The following ADIPOR2 variants were observed in gnomAD, a reference collection of about 807,000 sequenced individuals.
The protein encoded by ADIPOR2 is adiponectin receptor protein 2.
In ADIPOR2, 18 loss-of-function variants were observed where a neutral mutation model predicts 40.9. The ratio of observed to expected loss-of-function variants is 0.44; its 90% CI spans 0.30 to 0.65. ADIPOR2 has a LOEUF of 0.65. Among genes scored for constraint, ADIPOR2 ranks in the 30% least tolerant of loss-of-function variants. The probability of loss-of-function intolerance (pLI) is 0.09; values close to 1 mark genes in which losing one functional copy is unlikely to be tolerated. For missense variants in ADIPOR2, 283 were observed against 479.2 expected (o/e 0.59, Z 3.82); for synonymous variants, 165 against 166.4 (o/e 0.99, Z 0.06).
At chr12:1,716,795 T>C (rs1468053201) in intron 1 of ADIPOR2, among the ~76,000 whole-genome samples, 1 of 152,234 alleles carries the variant, frequency 6.6e-6, no homozygotes, top group Non-Finnish European at 1.5e-5. Flanking sequence ...CATCCAGCCC[T>C]TTTCATGTTA....
intron 1 of ADIPOR2, among the ~76,000 whole-genome samples, chr12:1,691,628 G>C (rs1449373300): frequency 6.6e-6 from 1 of 152,170 alleles, no homozygotes; most frequent in Admixed American, 6.5e-5. Context: ...GCTTGGGATG[G>C]GCTCTCTCAG....
intron 1 of ADIPOR2, among the ~76,000 whole-genome samples, chr12:1,748,396 C>T (rs932774254): frequency 1.3e-5 from 2 of 151,990 alleles, no homozygotes; most frequent in African/African-American, 4.8e-5. Flanking sequence ...CTACAGGTGC[C>T]CGCCACCACG....
chr12:1,692,501 G>A (rs776587497), intron 1 of ADIPOR2, among the ~76,000 whole-genome samples: 1 of 152,174 alleles, frequency 6.6e-6, no homozygotes, highest in Admixed American at 6.5e-5. Context: ...AAATGTGAAA[G>A]GCATATTTCT....
intron 1 of ADIPOR2, among the ~76,000 whole-genome samples, chr12:1,691,655 A>G (rs546497082): frequency 5.3e-5 from 8 of 152,252 alleles, no homozygotes; most frequent in Non-Finnish European, 1.2e-4. Flanking sequence ...TTTCACAGTG[A>G]CTGGGGTGGG....
intron 2 of ADIPOR2, chr12:1,757,307 G>C: frequency 1.5e-6 from 1 of 663,072 alleles, no homozygotes; most frequent in Admixed American, 2.3e-5. Flanking sequence ...CTTTTCCTCA[G>C]GGAAGAGAAG....
intron 2 of ADIPOR2, among the ~76,000 whole-genome samples, chr12:1,766,395 A>G (rs1159371359): frequency 6.6e-6 from 1 of 152,216 alleles, no homozygotes; most frequent in Non-Finnish European, 1.5e-5. Flanking sequence ...AGGATGTGGT[A>G]GTAAGTAAGA....
intron 1 of ADIPOR2, among the ~76,000 whole-genome samples, chr12:1,693,099 G>C (rs1037799043): frequency 2.6e-5 from 4 of 152,104 alleles, no homozygotes; most frequent in African/African-American, 7.2e-5. Context: ...AGGTTGCAGT[G>C]AGCCAAGATT....
At chr12:1,760,990 A>G (rs147176925) in intron 2 of ADIPOR2, 170 of 152,276 alleles carry the variant, frequency 1.1e-3, no homozygotes, top group African/African-American at 3.8e-3. Context: ...CGTGAGTGCA[A>G]TACACTAAGA....
chr12:1,750,642 T>G (rs374813000), intron 1 of ADIPOR2, among the ~76,000 whole-genome samples: 128 of 151,772 alleles, frequency 8.4e-4, no homozygotes, highest in African/African-American at 2.9e-3. Flanking sequence ...ATTTCTAGAA[T>G]TTTTTTTTGT....
At chr12:1,695,195 A>G (rs2094635926) in intron 1 of ADIPOR2, among the ~76,000 whole-genome samples, 1 of 151,760 alleles carries the variant, frequency 6.6e-6, no homozygotes, top group Admixed American at 6.6e-5. Flanking sequence ...GTTATTTTTT[A>G]CAAAAATGGG....
intron 2 of ADIPOR2, among the ~76,000 whole-genome samples, chr12:1,769,924 T>C (rs547057807): frequency 3.3e-5 from 5 of 150,816 alleles, no homozygotes; most frequent in Non-Finnish European, 5.9e-5. Context: ...AAAGTAATTT[T>C]TTTTTTTTTT....
At chr12:1,778,701 A>G (rs1352487319) in intron 4 of ADIPOR2, 1 of 152,240 alleles carries the variant, frequency 6.6e-6, no homozygotes, top group East Asian at 1.9e-4. Context: ...GGACTTCATC[A>G]AAATTAAAAA....
chr12:1,782,141 A>G (rs773460625), intron 6 of ADIPOR2, among the ~76,000 whole-genome samples: 2 of 152,234 alleles, frequency 1.3e-5, no homozygotes, highest in African/African-American at 2.4e-5. Context: ...GCAAAAGTCT[A>G]GCAAATCTTT....
chr12:1,699,651 TAAAAA>T (rs774880831), intron 1 of ADIPOR2, among the ~76,000 whole-genome samples: 5 of 152,084 alleles, frequency 3.3e-5, no homozygotes, highest in Non-Finnish European at 5.9e-5. Flanking sequence ...AACTCCGTCT[TAAAAA>T]GAAAAGAAAA....
At chr12:1,697,862 A>G (rs1012227642) in intron 1 of ADIPOR2, 3 of 152,482 alleles carry the variant, frequency 2.0e-5, no homozygotes, top group African/African-American at 4.8e-5. Context: ...AATCTGTGCC[A>G]TAAATATCAC....
chr12:1,757,811 A>T (rs1355385214), intron 2 of ADIPOR2: 3 of 857,402 alleles, frequency 3.5e-6, no homozygotes, highest in Non-Finnish European at 6.1e-6. Context: ...ATCTTAATGA[A>T]CCTCTGCATG....
At chr12:1,743,890 C>G (rs558975957) in intron 1 of ADIPOR2, among the ~76,000 whole-genome samples, 1 of 152,002 alleles carries the variant, frequency 6.6e-6, no homozygotes, top group Non-Finnish European at 1.5e-5. Flanking sequence ...AAAAACAGGA[C>G]TCTGGGAATT....
chr12:1,770,119 A>G (rs1862466016), intron 2 of ADIPOR2, among the ~76,000 whole-genome samples: 1 of 148,830 alleles, frequency 6.7e-6, no homozygotes, highest in South Asian at 2.1e-4. Flanking sequence ...ATGGGGTTTT[A>G]CCATGTTGCC....
chr12:1,757,569 G>C (rs1265169465), intron 2 of ADIPOR2: 1 of 987,540 alleles, frequency 1.0e-6, no homozygotes, highest in Non-Finnish European at 1.6e-6. Context: ...CTTGATGAGG[G>C]AATCAGGGTA....
Sources: gnomAD v4.1 joint callset for allele counts (sites outside exome capture counted in the v4.1 genomes callset) on GRCh38, gnomAD v4.1.1 for gene constraint, MANE v1.5 for transcripts, NCBI Gene and HGNC (gene_info 2026-07-23, HGNC 2026-07-21) for gene names.